The following CADPS variants were observed in gnomAD, a reference collection of about 807,000 sequenced individuals.
CADPS encodes the protein calcium-dependent secretion activator 1.
Under a neutral mutation model 167.3 loss-of-function variants are expected in CADPS, and 57 were observed. The ratio of observed to expected loss-of-function variants is 0.34; its 90% CI spans 0.28 to 0.42. The LOEUF is 0.42. Among genes scored for constraint, CADPS ranks in the 20% least tolerant of loss-of-function variants. The pLI is 1.00. For missense variants in CADPS, 1,414 were observed against 1,738.1 expected, an observed-to-expected ratio of 0.81 and a Z score of 3.32; for synonymous variants, 676 against 635.3, an observed-to-expected ratio of 1.06 and a Z score of -0.96.
intron 26 of CADPS, 114 bp from the exon 27 acceptor site, chr3:62,445,911 C>T: frequency 3.2e-6 from 2 of 630,442 alleles, no homozygotes; most frequent in Middle Eastern, 2.7e-4. Context: ...TGGAGCTGAC[C>T]AGGAAAAACA....
rs181384985 is a variant in CADPS, at chr3:62,465,544, C to T, written c.3553-94G>A. ...TTCCCCACCACATAAAGGCTGGGAT[C>T]GAGCCCTCCGTTCATTTCTGCAGTC... On this transcript the variant is annotated intron_variant, in intron 25 of 29. Transcript: ENST00000383710. The surrounding 1 kb of genome is among the most constrained non-coding windows in gnomAD (Gnocchi z 4.1). 7.8e-5 allele frequency: 62 copies of T among 790,388 alleles called. No individual in the cohort carries two copies. The African/African-American group carries it at 8.7e-4, about 11-fold the overall frequency. The allele number at this position is 790,388 out of a possible 1,614,324, so 49.0% of individuals were successfully genotyped here.
chr3:62,512,674 C>T (rs1489104280), intron 17 of CADPS, 77 bp downstream of exon 17: 6 of 1,103,622 alleles, frequency 5.4e-6, no homozygotes, highest in Middle Eastern at 2.0e-4. Flanking sequence ...CCTTAAGGAG[C>T]CATTGAAAAA....
chr3:62,680,627 A>T (rs2077013071), intron 3 of CADPS, among the ~76,000 whole-genome samples: 1 of 151,968 alleles, frequency 6.6e-6, no homozygotes, highest in Admixed American at 6.6e-5. Context: ...TAGTGGCTCA[A>T]CTTGTCTCCC....
chr3:62,684,896 A>T (rs2077727880), intron 3 of CADPS, among the ~76,000 whole-genome samples: 1 of 152,044 alleles, frequency 6.6e-6, no homozygotes, highest in African/African-American at 2.4e-5. Context: ...CTTCTGAGAA[A>T]GATGCTGGAG....
rs546709532 is a variant in CADPS, at chr3:62,870,592, C to T, written c.441+3997G>A. Among the ~76,000 whole-genome samples the T allele has an allele frequency of 7.2e-5, 11 of 152,202 alleles. No individual in the cohort carries two copies. In the South Asian group the frequency reaches 2.3e-3, roughly 32 times the overall value. ...AGCTTGAACTTACAAGACATTTGTCCTCTTGAATGAAATAGGAATTGCTGT... is the reference window on the plus strand; with the variant it reads ...AGCTTGAACTTACAAGACATTTGTCTTCTTGAATGAAATAGGAATTGCTGT... On this transcript the variant is annotated intron_variant, in intron 1 of 29. Transcript: ENST00000383710.
chr3:62,732,941 A>T (rs960187035), intron 3 of CADPS, among the ~76,000 whole-genome samples: 1 of 152,192 alleles, frequency 6.6e-6, no homozygotes, highest in Non-Finnish European at 1.5e-5. Context: ...GTTGTGATGG[A>T]GGGTGTGTGT....
At chr3:62,625,271 CAT>C (rs1179175642) in intron 6 of CADPS, 1 of 149,762 alleles carries the variant, frequency 6.7e-6, no homozygotes, top group African/African-American at 2.5e-5. Context: ...GAAACAAAGA[CAT>C]AGATTATCCA....
intron 20 of CADPS, 132 bp downstream of exon 20, chr3:62,492,158 G>A: frequency 1.3e-6 from 1 of 747,646 alleles, no homozygotes. Flanking sequence ...TCTTTTTGGG[G>A]GGTGGGGTTA....
intron 7 of CADPS, among the ~76,000 whole-genome samples, chr3:62,591,801 G>T (rs1333355578): frequency 6.6e-6 from 1 of 152,126 alleles, no homozygotes; most frequent in Non-Finnish European, 1.5e-5. Flanking sequence ...AATAATTGGT[G>T]CCAGTCCCTG....
At position 62,431,039 on chromosome 3, in the gene CADPS, CTTCATAATTGAGG is replaced by C. The variant is rs1323335340; in HGVS notation, c.3777+7052_3777+7064del. Among the ~76,000 whole-genome samples, 895 of 152,190 alleles carry C rather than the reference CTTCATAATTGAGG, an allele frequency of 5.9e-3. 6 individuals are homozygous for C. The highest frequency in any genetic ancestry group is 0.021 in the African/African-American group (859 of 41,528). On this transcript the variant is annotated intron_variant, in intron 28 of 29. Coordinates refer to ENST00000383710, the MANE Select transcript of CADPS (RefSeq NM_003716.4). ...GTAGCCTGGCTGACATGCTCTTTAG[CTTCATAATTGAGG>C]ATAGAGATGAGGTCACAGTTCAATT...
chr3:62,508,676 G>C (rs1231516639), intron 17 of CADPS, among the ~76,000 whole-genome samples: 1 of 152,112 alleles, frequency 6.6e-6, no homozygotes, highest in Non-Finnish European at 1.5e-5. Flanking sequence ...ATGAAATATG[G>C]TAATAAAACA....
chr3:62,753,619 C>A lies in CADPS; in HGVS notation c.710G>T (p.Trp237Leu). 6.2e-7 allele frequency: 1 copy of A among 1,614,158 alleles called. No homozygotes were observed. Among genetic ancestry groups the A allele is most frequent in the Non-Finnish European group, 8.5e-7 (1 of 1,180,026 alleles). The change falls in exon 3 of 30, where the codon TGG becomes TTG. Residue 237 changes from tryptophan (W) to leucine (L), a missense_variant. Coordinates refer to ENST00000383710, the MANE Select transcript of CADPS (RefSeq NM_003716.4). This position sits in a 1 kb window ranked among gnomAD's most constrained non-coding sequence, Gnocchi z 4.6. ...GLSKETVLSSWMAKFDAIYRG... is the reference protein window; with the variant it reads ...GLSKETVLSSLMAKFDAIYRG... ...GTAGATGGCATCAAATTTGGCCATC[C>A]AGGAGCTCAGCACAGTCTCCTTGCT...
intron 23 of CADPS, among the ~76,000 whole-genome samples, chr3:62,477,313 GGT>G (rs200168471): frequency 5.2e-4 from 42 of 80,390 alleles, no homozygotes; most frequent in African/African-American, 2.7e-3. Flanking sequence ...TTGCAATCTG[GGT>G]TTTTTTTTTT....
At chr3:62,489,585 A>T (rs1157125676) in intron 21 of CADPS, among the ~76,000 whole-genome samples, 2 of 152,232 alleles carry the variant, frequency 1.3e-5, no homozygotes, top group African/African-American at 4.8e-5. Flanking sequence ...AGGGGAGCAA[A>T]CAAGTTCATA....
At chr3:62,774,092 A>C (rs1358806508) in intron 1 of CADPS, among the ~76,000 whole-genome samples, 1 of 152,136 alleles carries the variant, frequency 6.6e-6, no homozygotes, top group Non-Finnish European at 1.5e-5. Flanking sequence ...AAGAGGAAAA[A>C]AATAGGAAAA....
intron 1 of CADPS, among the ~76,000 whole-genome samples, chr3:62,834,643 T>A (rs1207211041): frequency 6.6e-6 from 1 of 152,130 alleles, no homozygotes; most frequent in East Asian, 1.9e-4. Flanking sequence ...GATACAATAT[T>A]CCTACATATG....
In CADPS at chr3:62,533,189, G is replaced by C; in HGVS notation, c.2104-131C>G. Reference sequence around the variant, plus strand: ...CTAACACTCCTTGATTGCCTATTATGTGCCAGCCACTGTGCACAGCATATT... The same window carrying C: ...CTAACACTCCTTGATTGCCTATTATCTGCCAGCCACTGTGCACAGCATATT... On this transcript the variant is annotated intron_variant, in intron 12 of 29. Coordinates refer to ENST00000383710, the MANE Select transcript of CADPS (RefSeq NM_003716.4). 4.2e-6 allele frequency: 3 copies of C among 712,930 alleles called. No individual in the cohort carries two copies. The South Asian group carries it at 5.5e-5, about 13-fold the overall frequency. 44.2% of individuals were successfully genotyped at this position (712,930 alleles called of 1,614,324 possible). A position where few individuals can be genotyped will look rare whatever the true frequency, so the allele number is the denominator to read the frequency against.
intron 2 of CADPS, among the ~76,000 whole-genome samples, chr3:62,757,981 G>C (rs1575952300): frequency 1.3e-5 from 2 of 152,278 alleles, no homozygotes; most frequent in Middle Eastern, 6.8e-3. Context: ...ACCTCTCACT[G>C]GGTACCCCCA....
chr3:62,670,627 A>G (rs1312205659), intron 3 of CADPS, among the ~76,000 whole-genome samples: 1 of 152,058 alleles, frequency 6.6e-6, no homozygotes, highest in Non-Finnish European at 1.5e-5. Flanking sequence ...TGCAGTAAAT[A>G]TAACCCAAGA....
Sources: gnomAD v4.1 joint callset for allele counts (sites outside exome capture counted in the v4.1 genomes callset) on GRCh38, gnomAD v4.1.1 for gene constraint, Gnocchi (gnomAD v3.1) non-coding constraint, MANE v1.5 for transcripts, NCBI Gene and HGNC (gene_info 2026-07-23, HGNC 2026-07-21) for gene names.